The following ANKH variants were observed in gnomAD, a reference collection of about 807,000 sequenced individuals.
ANKH encodes ANKH inorganic pyrophosphate transport regulator.
In ANKH, 15 loss-of-function variants were observed where a neutral mutation model predicts 49.0. That is an observed-to-expected ratio of 0.31 (90% CI 0.20 to 0.47). ANKH has a LOEUF of 0.47. Ranked by LOEUF, ANKH falls within the 20% of genes least tolerant of loss-of-function variation. The pLI, the probability that ANKH is intolerant of heterozygous loss-of-function variation, is 1.00. For missense variants in ANKH, 429 were observed against 652.0 expected (o/e 0.66, Z 3.72); for synonymous variants, 273 against 260.0 (o/e 1.05, Z -0.48).
chr5:14,811,971 A>ATAG (rs1740896092), intron 1 of ANKH, among the ~76,000 whole-genome samples: 1 of 152,196 alleles, frequency 6.6e-6, no homozygotes, highest in Admixed American at 6.5e-5. Flanking sequence ...TAGAAGTCTG[A>ATAG]ATGTAGAAAA....
chr5:14,748,987 T>C (rs1355634517), intron 6 of ANKH, among the ~76,000 whole-genome samples, 185 bp downstream of exon 6: 1 of 152,244 alleles, frequency 6.6e-6, no homozygotes, highest in East Asian at 1.9e-4. Context: ...CCCATAATCA[T>C]AAAAATATAC....
chr5:14,765,623 G>T (rs1219891240), intron 2 of ANKH, among the ~76,000 whole-genome samples: 1 of 152,050 alleles, frequency 6.6e-6, no homozygotes, highest in Non-Finnish European at 1.5e-5. Flanking sequence ...AAAAAGAAAA[G>T]AAATGTAAGG....
At chr5:14,787,734 G>A (rs1474338709) in intron 1 of ANKH, among the ~76,000 whole-genome samples, 3 of 152,214 alleles carry the variant, frequency 2.0e-5, no homozygotes, top group African/African-American at 4.8e-5. Flanking sequence ...GGTCACTGGC[G>A]TGCTTTGAGT....
At position 14,737,179 on chromosome 5, in the gene ANKH, T is replaced by C. The variant is rs1738214112; in HGVS notation, c.1011+4648A>G. On this transcript the variant is annotated intron_variant, in intron 8 of 11. Transcript: ENST00000284268. This position sits in a 1 kb window ranked among gnomAD's most constrained non-coding sequence, Gnocchi z 5.0. ...GCCCGATGGGCTGGCTTTCACCACT[T>C]GGCCTGGCATGCAGGAATAGGGAGG... Among the ~76,000 whole-genome samples, 1 of 152,222 alleles carries C rather than the reference T, an allele frequency of 6.6e-6. No individual in the cohort carries two copies. Among genetic ancestry groups the C allele is most frequent in the Non-Finnish European group, 1.5e-5 (1 of 68,038 alleles).
At chr5:14,758,446 A>AAAAG (rs773970442) in intron 3 of ANKH, 34 bp downstream of exon 3, 1 of 1,535,626 alleles carries the variant, frequency 6.5e-7, no homozygotes, top group Middle Eastern at 1.7e-4. Context: ...CAGTTAAAGA[A>AAAAG]AAAGAAAGAA....
intron 5 of ANKH, 143 bp downstream of exon 5, chr5:14,750,926 C>A (rs1580034872): frequency 1.1e-6 from 1 of 938,538 alleles, no homozygotes; most frequent in South Asian, 1.4e-5. Flanking sequence ...TCCCTGCAGA[C>A]ATCTAGCACT....
chr5:14,718,427 GA>G (rs553741662), intron 8 of ANKH, among the ~76,000 whole-genome samples: 21 of 147,240 alleles, frequency 1.4e-4, no homozygotes, highest in African/African-American at 2.5e-4. Context: ...AGAGAGAAGG[GA>G]AAAAAAAAAC....
intron 1 of ANKH, among the ~76,000 whole-genome samples, chr5:14,858,734 TA>T (rs1561087666): frequency 1.2e-5 from 1 of 81,468 alleles, no homozygotes; most frequent in East Asian, 3.9e-4. Flanking sequence ...AATAAATAAA[TA>T]AATAAATAAA....
chr5:14,846,514 T>G (rs1334328974), intron 1 of ANKH, among the ~76,000 whole-genome samples: 2 of 152,196 alleles, frequency 1.3e-5, no homozygotes, highest in Non-Finnish European at 2.9e-5. Flanking sequence ...TCAAAGGATG[T>G]TTTTCTGAAT....
chr5:14,858,608 C>T (rs1003193374), intron 1 of ANKH, among the ~76,000 whole-genome samples: 1 of 151,716 alleles, frequency 6.6e-6, no homozygotes, highest in African/African-American at 2.4e-5. Context: ...CCCAGCTACT[C>T]GGGAGGCTGA....
At chr5:14,865,547 G>C (rs561691461) in intron 1 of ANKH, among the ~76,000 whole-genome samples, 3 of 152,148 alleles carry the variant, frequency 2.0e-5, no homozygotes, top group Admixed American at 6.6e-5. Context: ...AAGCACTTTA[G>C]GAAGTGGATC....
intron 2 of ANKH, among the ~76,000 whole-genome samples, chr5:14,767,235 T>C (rs758599094): frequency 4.6e-5 from 7 of 152,134 alleles, no homozygotes; most frequent in Non-Finnish European, 8.8e-5. Context: ...TGAACAAAGA[T>C]GCCCGACGTA....
At chr5:14,739,347 G>A (rs894894876) in intron 8 of ANKH, among the ~76,000 whole-genome samples, 3 of 152,138 alleles carry the variant, frequency 2.0e-5, no homozygotes, top group Non-Finnish European at 4.4e-5. Flanking sequence ...AACCTGGGAA[G>A]CAGAGGTTGC....
intron 1 of ANKH, among the ~76,000 whole-genome samples, chr5:14,846,335 C>T (rs745928115): frequency 8.7e-4 from 132 of 152,284 alleles, no homozygotes; most frequent in South Asian, 1.5e-3. Context: ...ATTTTCCGTA[C>T]AGGCAATGCC....
chr5:14,835,742 T>G (rs902303195), intron 1 of ANKH, among the ~76,000 whole-genome samples: 11 of 152,218 alleles, frequency 7.2e-5, no homozygotes, highest in Non-Finnish European at 8.8e-5. Context: ...TAGAAAAAGA[T>G]GGAATCCTCC....
intron 8 of ANKH, among the ~76,000 whole-genome samples, chr5:14,732,417 A>G (rs147932771): frequency 2.2e-4 from 34 of 152,288 alleles, no homozygotes; most frequent in African/African-American, 8.2e-4. Context: ...GGCTTTTAAA[A>G]AAACAACACC....
intron 1 of ANKH, among the ~76,000 whole-genome samples, chr5:14,837,334 G>A (rs1741684274): frequency 6.6e-6 from 1 of 152,118 alleles, no homozygotes; most frequent in Admixed American, 6.5e-5. Context: ...GAGTGAACAG[G>A]CAACCTATAG....
In ANKH at chr5:14,725,006, GC is replaced by G. The variant is rs1477035823; in HGVS notation, c.1012-8172del. On this transcript the variant is annotated intron_variant, in intron 8 of 11. Transcript: ENST00000284268. This position sits in a 1 kb window ranked among gnomAD's most constrained non-coding sequence, Gnocchi z 4.0. ...CAGCTGTTTTGAATAAAAATCGCTG[GC>G]CCTGGACATCATTTTTATTTGGCGC... Among the ~76,000 whole-genome samples, 8 of 151,802 alleles carry G rather than the reference GC, an allele frequency of 5.3e-5. No individual in the cohort carries two copies. In the East Asian group the frequency reaches 1.5e-3, roughly 29 times the overall value.
At chr5:14,781,956 G>A (rs2126531064) in intron 1 of ANKH, among the ~76,000 whole-genome samples, 1 of 152,222 alleles carries the variant, frequency 6.6e-6, no homozygotes, top group Non-Finnish European at 1.5e-5. Flanking sequence ...GTTTACGTCT[G>A]GGATCCTGGG....
Sources: gnomAD v4.1 joint callset for allele counts (sites outside exome capture counted in the v4.1 genomes callset) on GRCh38, gnomAD v4.1.1 for gene constraint, Gnocchi (gnomAD v3.1) non-coding constraint, MANE v1.5 for transcripts, NCBI Gene and HGNC (gene_info 2026-07-23, HGNC 2026-07-21) for gene names.